Variants in LRP1B observed in about 807,000 individuals in gnomAD.
LRP1B encodes the protein LDL receptor related protein 1B, also known as low-density lipoprotein receptor-related protein 1B.
LRP1B carries 217 observed loss-of-function variants against 556.6 expected under a neutral mutation model. That is an observed-to-expected ratio of 0.39 (90% confidence interval 0.35 to 0.44). The LOEUF (loss-of-function observed/expected upper bound fraction) is 0.44. Among genes scored for constraint, LRP1B ranks in the 20% least tolerant of loss-of-function variants. LRP1B has a pLI of 1.00. For synonymous variants in LRP1B, 2,047 were observed against 1,865.8 expected (o/e 1.10, Z -2.50); for missense variants, 5,053 against 5,620.8 (o/e 0.90, Z 3.23).
intron 46 of LRP1B, 70 bp from the exon 47 acceptor site, chr2:140,534,210 GAT>G: frequency 7.2e-7 from 1 of 1,389,976 alleles, no homozygotes; most frequent in Non-Finnish European, 1.0e-6. Flanking sequence ...GAAAATCACA[GAT>G]AATATTTCAT....
At chr2:141,687,153 G>A (rs755096646) in intron 2 of LRP1B, among the ~76,000 whole-genome samples, 3 of 151,842 alleles carry the variant, frequency 2.0e-5, no homozygotes, top group Admixed American at 6.6e-5. Flanking sequence ...TTGTCCTAAC[G>A]TTCATTTTGA....
chr2:141,457,643 A>T (rs111924439), intron 3 of LRP1B, among the ~76,000 whole-genome samples: 687 of 35,420 alleles, frequency 0.019, 3 homozygotes, highest in African/African-American at 0.044. Context: ...CATGAATTTG[A>T]CATGTCTGTG....
chr2:141,534,163 A>G (rs12691614), intron 2 of LRP1B, among the ~76,000 whole-genome samples: 149,255 of 152,260 alleles, frequency 0.98, 73,222 homozygotes, highest in Middle Eastern at 1. Flanking sequence ...CTCTGAATGC[A>G]TGGGCCATAT....
chr2:141,171,198 G>A (rs1304679414), intron 7 of LRP1B, among the ~76,000 whole-genome samples: 1 of 152,018 alleles, frequency 6.6e-6, no homozygotes, highest in African/African-American at 2.4e-5. Flanking sequence ...GTTAACTAAA[G>A]TCCATAGATT....
intron 28 of LRP1B, among the ~76,000 whole-genome samples, chr2:140,851,085 A>C (rs1439415476): frequency 6.6e-6 from 1 of 152,170 alleles, no homozygotes; most frequent in East Asian, 1.9e-4. Flanking sequence ...TTTTGCAAAT[A>C]AATAAAATTA....
chr2:141,096,012 T>A (rs1225196689), intron 7 of LRP1B, among the ~76,000 whole-genome samples: 2 of 152,088 alleles, frequency 1.3e-5, no homozygotes, highest in African/African-American at 2.4e-5. Flanking sequence ...TATTAATATA[T>A]ATTCATATAT....
intron 1 of LRP1B, among the ~76,000 whole-genome samples, chr2:141,916,541 CTTTTTTTT>C (rs58336400): frequency 8.0e-6 from 1 of 124,734 alleles, no homozygotes; most frequent in Non-Finnish European, 1.6e-5. Flanking sequence ...ATTTTTTGAA[CTTTTTTTT>C]TTTTTTTTTT....
At chr2:140,932,812 G>A (rs1695087823) in intron 20 of LRP1B, among the ~76,000 whole-genome samples, 1 of 149,000 alleles carries the variant, frequency 6.7e-6, no homozygotes, top group African/African-American at 2.5e-5. Flanking sequence ...TCAGTTTTAG[G>A]TTTCAGTGAG....
intron 1 of LRP1B, among the ~76,000 whole-genome samples, chr2:142,021,666 T>G (rs1045983515): frequency 1.3e-5 from 2 of 152,142 alleles, no homozygotes; most frequent in Non-Finnish European, 2.9e-5. Context: ...AAACCTCTAG[T>G]GATATAATTT....
chr2:141,015,965 C>T (rs2105390067), intron 12 of LRP1B, 50 bp from the exon 13 acceptor site: 1 of 1,366,470 alleles, frequency 7.3e-7, no homozygotes. Context: ...TTACAACCAG[C>T]CACAGTATAG....
intron 2 of LRP1B, among the ~76,000 whole-genome samples, chr2:141,644,311 G>A (rs13024174): frequency 0.6 from 90,651 of 151,708 alleles, 27,300 homozygotes; most frequent in African/African-American, 0.67. Context: ...GTCCCATGAA[G>A]TCTGATGGCT....
At chr2:141,840,257 C>CTTTTTTTTTTTTT (rs565362139) in intron 1 of LRP1B, among the ~76,000 whole-genome samples, 2 of 84,230 alleles carry the variant, frequency 2.4e-5, no homozygotes, top group Non-Finnish European at 4.4e-5. Flanking sequence ...AACAAATTTC[C>CTTTTTTTTTTTTT]TTTTTTTTTT....
At chr2:140,960,985 G>A (rs539043779) in intron 18 of LRP1B, among the ~76,000 whole-genome samples, 1 of 152,002 alleles carries the variant, frequency 6.6e-6, no homozygotes, top group Admixed American at 6.6e-5. Flanking sequence ...GGAGAGGGTA[G>A]TACTACTAAC....
chr2:141,814,220 T>A (rs1558894028), intron 1 of LRP1B, among the ~76,000 whole-genome samples: 3 of 152,062 alleles, frequency 2.0e-5, no homozygotes, highest in Admixed American at 6.6e-5. Context: ...AGAAAAGTAG[T>A]CAATTTTCTT....
chr2:140,520,405 T>C (rs1690109702), intron 49 of LRP1B, among the ~76,000 whole-genome samples: 1 of 151,976 alleles, frequency 6.6e-6, no homozygotes, highest in Non-Finnish European at 1.5e-5. Flanking sequence ...AATTGAACAA[T>C]GAGAACACTT....
chr2:141,780,899 A>G, intron 2 of LRP1B, among the ~76,000 whole-genome samples: 1 of 152,234 alleles, frequency 6.6e-6, no homozygotes, highest in African/African-American at 2.4e-5. Flanking sequence ...TATTTAGGTA[A>G]TAGGTATTTT....
chr2:141,388,958 G>A (rs764294855), intron 3 of LRP1B, among the ~76,000 whole-genome samples: 2 of 152,118 alleles, frequency 1.3e-5, no homozygotes, highest in Non-Finnish European at 2.9e-5. Flanking sequence ...AAAGACTTGT[G>A]TACTGAAAAT....
chr2:141,057,942 T>G (rs1167523307), intron 9 of LRP1B, among the ~76,000 whole-genome samples: 1 of 151,922 alleles, frequency 6.6e-6, no homozygotes, highest in Non-Finnish European at 1.5e-5. Context: ...ACTTTCTTGA[T>G]TTTCTCTATA....
At chr2:140,966,416 T>C (rs1424808911) in intron 18 of LRP1B, among the ~76,000 whole-genome samples, 1 of 152,170 alleles carries the variant, frequency 6.6e-6, no homozygotes, top group Admixed American at 6.5e-5. Context: ...TCTTGTAAAT[T>C]TGTTTGAGTT....
Sources: gnomAD v4.1 joint callset for allele counts (sites outside exome capture counted in the v4.1 genomes callset) on GRCh38, gnomAD v4.1.1 for gene constraint, MANE v1.5 for transcripts, NCBI Gene and HGNC (gene_info 2026-07-23, HGNC 2026-07-21) for gene names.